GABRB3: variants seen among roughly 807,000 people sequenced by gnomAD.
GABRB3 encodes gamma-aminobutyric acid type A receptor subunit beta3, also known as gamma-aminobutyric acid receptor subunit beta-3.
In GABRB3, 14 loss-of-function variants were observed where a neutral mutation model predicts 52.1. The observed-to-expected ratio is 0.27, with a 90% CI of 0.18 to 0.42. The LOEUF (loss-of-function observed/expected upper bound fraction) is 0.42. GABRB3 is among the 10% of genes least tolerant of loss of function. The probability of loss-of-function intolerance (pLI) is 1.00; values close to 1 mark genes in which losing one functional copy is unlikely to be tolerated. For missense variants in GABRB3, 307 were observed against 609.1 expected, an observed-to-expected ratio of 0.50 and a Z score of 5.22; for synonymous variants, 260 against 232.3, an observed-to-expected ratio of 1.12 and a Z score of -1.08.
intron 3 of GABRB3, among the ~76,000 whole-genome samples, chr15:26,725,548 T>C (rs1249192569): frequency 6.6e-6 from 1 of 152,258 alleles, no homozygotes; most frequent in Non-Finnish European, 1.5e-5. Context: ...AAATTACTTC[T>C]AAATTCTTTA....
At chr15:26,673,908 C>A (rs1887975359) in intron 3 of GABRB3, among the ~76,000 whole-genome samples, 1 of 152,154 alleles carries the variant, frequency 6.6e-6, no homozygotes, top group Non-Finnish European at 1.5e-5. Context: ...ATATCTTTTA[C>A]CTTAGCAGTA....
intron 3 of GABRB3, among the ~76,000 whole-genome samples, chr15:26,658,213 G>A (rs1031439613): frequency 6.6e-6 from 1 of 151,980 alleles, no homozygotes; most frequent in African/African-American, 2.4e-5. Context: ...TTTCATCCCC[G>A]ACTTGACTAG....
At chr15:26,703,759 C>T (rs1302704746) in intron 3 of GABRB3, among the ~76,000 whole-genome samples, 1 of 152,150 alleles carries the variant, frequency 6.6e-6, no homozygotes, top group Non-Finnish European at 1.5e-5. Context: ...AGTCCAAAAC[C>T]CAAAGGGGGC....
intron 3 of GABRB3, among the ~76,000 whole-genome samples, chr15:26,662,858 T>C: frequency 6.6e-6 from 1 of 152,238 alleles, no homozygotes; most frequent in East Asian, 1.9e-4. Context: ...ATTCTTCATT[T>C]GCTTTACAGT....
chr15:26,548,323 A>C (rs1889337139), intron 8 of GABRB3, among the ~76,000 whole-genome samples, 189 bp from the exon 9 acceptor site: 1 of 152,138 alleles, frequency 6.6e-6, no homozygotes, highest in Non-Finnish European at 1.5e-5. Context: ...AGAGATTTTT[A>C]TTTCCTTGAT....
intron 3 of GABRB3, among the ~76,000 whole-genome samples, chr15:26,683,009 C>T (rs138005083): frequency 2.4e-3 from 361 of 152,276 alleles, no homozygotes; most frequent in African/African-American, 8.3e-3. Flanking sequence ...CCCCAGCAGC[C>T]GGCTCACTGG....
chr15:26,597,354 G>A lies in GABRB3; in HGVS notation c.462-13940C>T, dbSNP rs145361922. Among the ~76,000 whole-genome samples, 29 of 152,238 alleles carry A rather than the reference G, an allele frequency of 1.9e-4. No individual in the cohort carries two copies. The East Asian group carries it at 5.6e-3, about 29-fold the overall frequency. ...AGGGAACTTGGAAATAGATTTCTTGGGAGAGTTTACACACATCTTGAAGGA... is the reference window on the plus strand; with the variant it reads ...AGGGAACTTGGAAATAGATTTCTTGAGAGAGTTTACACACATCTTGAAGGA... On this transcript the variant is annotated intron_variant, in intron 4 of 8. Transcript: ENST00000311550.
chr15:26,596,501 TC>T (rs1278719556), intron 4 of GABRB3, among the ~76,000 whole-genome samples: 1 of 152,154 alleles, frequency 6.6e-6, no homozygotes, highest in Non-Finnish European at 1.5e-5. Context: ...TTATTCAAGA[TC>T]TTTTACAAAG....
intron 3 of GABRB3, among the ~76,000 whole-genome samples, chr15:26,697,877 C>T (rs1254586397): frequency 6.6e-6 from 1 of 152,198 alleles, no homozygotes; most frequent in South Asian, 2.1e-4. Flanking sequence ...TTTCTCCCAG[C>T]AGAACTCCGG....
At chr15:26,644,273 G>T (rs934745562) in intron 3 of GABRB3, among the ~76,000 whole-genome samples, 10 of 152,170 alleles carry the variant, frequency 6.6e-5, no homozygotes, top group Non-Finnish European at 1.5e-4. Context: ...TCATATGTTG[G>T]GGTTCTGAGC....
At chr15:26,599,460 C>A (rs1891510838) in intron 4 of GABRB3, among the ~76,000 whole-genome samples, 1 of 152,196 alleles carries the variant, frequency 6.6e-6, no homozygotes, top group Non-Finnish European at 1.5e-5. Context: ...AAGGGCCCAG[C>A]CAGGGAATAC....
At chr15:26,637,009 T>C (rs967377449) in intron 3 of GABRB3, among the ~76,000 whole-genome samples, 1 of 152,164 alleles carries the variant, frequency 6.6e-6, no homozygotes, top group Non-Finnish European at 1.5e-5. Flanking sequence ...GCAACCAGAA[T>C]GATTAATGAA....
intron 3 of GABRB3, among the ~76,000 whole-genome samples, chr15:26,679,075 C>T (rs8043319): frequency 0.03 from 4,532 of 152,156 alleles, 224 homozygotes; most frequent in African/African-American, 0.1. Context: ...GCATCCGCCC[C>T]GGGGGCACCA....
At chr15:26,598,288 G>A (rs935797978) in intron 4 of GABRB3, among the ~76,000 whole-genome samples, 12 of 151,964 alleles carry the variant, frequency 7.9e-5, no homozygotes, top group Admixed American at 2.0e-4. Context: ...AGAGCAAAGC[G>A]AAATTGAAGT....
At chr15:26,699,028 G>A (rs890002623) in intron 3 of GABRB3, among the ~76,000 whole-genome samples, 4 of 152,034 alleles carry the variant, frequency 2.6e-5, no homozygotes. Flanking sequence ...TGTGATGAGC[G>A]TTTGATTTTA....
chr15:26,637,850 A>G (rs1220079832), intron 3 of GABRB3, among the ~76,000 whole-genome samples: 1 of 152,014 alleles, frequency 6.6e-6, no homozygotes, highest in African/African-American at 2.4e-5. Flanking sequence ...CACCAGCTCT[A>G]TGAGGACTCC....
intron 8 of GABRB3, 105 bp downstream of exon 8, chr15:26,560,827 C>T (rs1270993858): frequency 6.6e-7 from 1 of 1,512,618 alleles, no homozygotes; most frequent in African/African-American, 1.4e-5. Context: ...GGGTGTGTGG[C>T]TTGACATACA....
chr15:26,664,704 G>GTTTTTT (rs1162139952), intron 3 of GABRB3, among the ~76,000 whole-genome samples: 34 of 95,208 alleles, frequency 3.6e-4, no homozygotes, highest in African/African-American at 4.6e-4. Context: ...TCTTTTCTTT[G>GTTTTTT]TTTTTTTTTT....
chr15:26,727,235 C>T lies in GABRB3; in HGVS notation c.240+45167G>A, dbSNP rs576919088. Among the ~76,000 whole-genome samples the T allele has an allele frequency of 3.3e-5, 5 of 152,316 alleles. No homozygotes were observed. In the South Asian group the frequency reaches 1.0e-3, roughly 32 times the overall value. On this transcript the variant is annotated intron_variant, in intron 3 of 8. Transcript: ENST00000311550. ...CCTGAAATTTTGGTTATTATGATTC[C>T]TGTCGAATGACGACTGTCTAATTCC...
Sources: gnomAD v4.1 joint callset for allele counts (sites outside exome capture counted in the v4.1 genomes callset) on GRCh38, gnomAD v4.1.1 for gene constraint, MANE v1.5 for transcripts, NCBI Gene and HGNC (gene_info 2026-07-23, HGNC 2026-07-21) for gene names.